PTCH1: variants seen among roughly 807,000 people sequenced by gnomAD.
PTCH1 encodes protein patched homolog 1.
PTCH1 carries 14 observed loss-of-function variants against 144.6 expected under a neutral mutation model. That is an observed-to-expected ratio of 0.10 (90% CI 0.06 to 0.15). The LOEUF (loss-of-function observed/expected upper bound fraction) is 0.15, where lower values mean the gene tolerates loss of function less well. Among genes scored for constraint, PTCH1 ranks in the 10% least tolerant of loss-of-function variants. The probability of loss-of-function intolerance (pLI) is 1.00; values close to 1 mark genes in which losing one functional copy is unlikely to be tolerated. For synonymous variants in PTCH1, 833 were observed against 793.6 expected (o/e 1.05, Z -0.83); for missense variants, 1,623 against 1,948.3 (o/e 0.83, Z 3.14).
In PTCH1 at chr9:95,478,169, G is replaced by C. The variant is rs752518133; in HGVS notation, c.1233C>G (p.Val411=). The change falls in exon 9 of 24, where the codon GTC becomes GTG. Residue 411 remains valine (V), a synonymous_variant. Coordinates refer to ENST00000331920, the MANE Select transcript of PTCH1 (RefSeq NM_000264.5). ...GCACCTTTTGAGTGGAGTTCTGTGC[G>C]ACACTCTGATGAACCACCTGTGGTC... ...RTYVEVVHQS[V]AQNSTQKVLS... 1 of 1,614,134 alleles carries C rather than the reference G, an allele frequency of 6.2e-7. No homozygotes were observed. Among genetic ancestry groups the C allele is most frequent in the Non-Finnish European group, 8.5e-7 (1 of 1,180,036 alleles).
chr9:95,512,503 C>G (rs1844205511), upstream of PTCH1, among the ~76,000 whole-genome samples: 1 of 152,122 alleles, frequency 6.6e-6, no homozygotes, highest in South Asian at 2.1e-4. Context: ...AGTGTAAAAG[C>G]CTGCTCGACT....
chr9:95,462,091 G>A (rs2136691680), intron 15 of PTCH1, 93 bp from the exon 16 acceptor site: 2 of 1,446,246 alleles, frequency 1.4e-6, no homozygotes, highest in Non-Finnish European at 1.9e-6. Flanking sequence ...AGCAGGGCAG[G>A]GGGCTCTTAG....
At chr9:95,448,837 C>T (rs1481409105) in intron 22 of PTCH1, among the ~76,000 whole-genome samples, 1 of 152,156 alleles carries the variant, frequency 6.6e-6, no homozygotes, top group Non-Finnish European at 1.5e-5. Context: ...ACATTACTGG[C>T]CCCTGCCCTT....
At chr9:95,485,949 C>T (rs992170414) in intron 2 of PTCH1, 75 bp from the exon 3 acceptor site, 1 of 1,512,678 alleles carries the variant, frequency 6.6e-7, no homozygotes, top group Non-Finnish European at 9.2e-7. Flanking sequence ...ATCTGACTAC[C>T]TGCCATAGGA....
chr9:95,455,284 C>T (rs1048504528), intron 19 of PTCH1, among the ~76,000 whole-genome samples: 1 of 152,226 alleles, frequency 6.6e-6, no homozygotes, highest in East Asian at 1.9e-4. Flanking sequence ...GCAGAAGGCA[C>T]AAGGCTGCAG....
intron 2 of PTCH1, among the ~76,000 whole-genome samples, chr9:95,493,072 A>G (rs1394566463): frequency 6.6e-6 from 1 of 152,186 alleles, no homozygotes; most frequent in African/African-American, 2.4e-5. Flanking sequence ...CTCATCCCCA[A>G]ATCAAGCCAG....
chr9:95,511,643 GT>G (rs1844166791), upstream of PTCH1, among the ~76,000 whole-genome samples: 1 of 152,236 alleles, frequency 6.6e-6, no homozygotes, highest in Non-Finnish European at 1.5e-5. Context: ...ATGACACTGA[GT>G]TGATAAAGAG....
At chr9:95,488,442 A>G (rs1842144399) in intron 2 of PTCH1, among the ~76,000 whole-genome samples, 1 of 152,224 alleles carries the variant, frequency 6.6e-6, no homozygotes, top group Non-Finnish European at 1.5e-5. Context: ...TATTAAATGC[A>G]ATTCACTTTT....
At chr9:95,473,260 TGGA>T (rs1306742943) in intron 12 of PTCH1, among the ~76,000 whole-genome samples, 1 of 152,236 alleles carries the variant, frequency 6.6e-6, no homozygotes, top group Non-Finnish European at 1.5e-5. Flanking sequence ...GCTACAAAAT[TGGA>T]GGAGTTTTAT....
rs1588517196 is a variant in PTCH1 at position 95,449,198 on chromosome 9, A to G, written c.3675T>C (p.Tyr1225=). ...GGCCTGACACTGTCGTCTGGGAACT[A>G]TACTCCGAGTCGGAGGAATCAGACC... ...HSGSDSSDSE[Y]SSQTTVSGLS... The change falls in exon 22 of 24, where the codon TAT becomes TAC. Residue 1225 remains tyrosine (Y), a synonymous_variant. Transcript: ENST00000331920. This position sits in a 1 kb window ranked among gnomAD's most constrained non-coding sequence, Gnocchi z 5.3. The G allele has an allele frequency of 6.2e-7, 1 of 1,609,396 alleles. No homozygotes were observed. Among genetic ancestry groups the G allele is most frequent in the Non-Finnish European group, 8.5e-7 (1 of 1,177,862 alleles).
intron 2 of PTCH1, among the ~76,000 whole-genome samples, chr9:95,496,549 AG>A (rs1299035740): frequency 6.6e-6 from 1 of 151,460 alleles, no homozygotes; most frequent in Non-Finnish European, 1.5e-5. Flanking sequence ...AAAAAAAAAA[AG>A]AAAAAAAAAA....
Position 95,466,996 on chromosome 9 carries a change from G to A in PTCH1, c.2560+120C>T, listed in dbSNP as rs1840058135. On this transcript the variant is annotated intron_variant, in intron 15 of 23. Transcript: ENST00000331920. Reference sequence around the variant, plus strand: ...TAAGAATCTTGAGCAACTCTTAAAAGTCCATGAAACACGTCAGTGTTACAT... The same window carrying A: ...TAAGAATCTTGAGCAACTCTTAAAAATCCATGAAACACGTCAGTGTTACAT... The A allele has an allele frequency of 6.2e-6, 7 of 1,134,526 alleles. No homozygotes were observed. In the East Asian group the frequency reaches 1.8e-4, roughly 29 times the overall value. The allele number at this position is 1,134,526 out of a possible 1,614,324, so 70.3% of individuals were successfully genotyped here.
intron 3 of PTCH1, chr9:95,483,628 G>T: frequency 6.6e-6 from 1 of 152,352 alleles, no homozygotes; most frequent in Non-Finnish European, 1.5e-5. Context: ...TGGCTGGGCA[G>T]ATCTCCTGCT....
At chr9:95,475,546 G>A (rs1330664088) in intron 12 of PTCH1, among the ~76,000 whole-genome samples, 2 of 152,206 alleles carry the variant, frequency 1.3e-5, no homozygotes, top group Non-Finnish European at 2.9e-5. Flanking sequence ...CTGCAGTGCC[G>A]TCTGACATGC....
intron 12 of PTCH1, among the ~76,000 whole-genome samples, chr9:95,472,880 T>A (rs1015073478): frequency 6.6e-6 from 1 of 152,172 alleles, no homozygotes; most frequent in Non-Finnish European, 1.5e-5. Flanking sequence ...AGAAGGGTTG[T>A]CGCAAAGGCA....
rs1838214512 is a variant in PTCH1, at chr9:95,449,146, C to A, written c.3727G>T (p.Ala1243Ser). The A allele has an allele frequency of 6.2e-7, 1 of 1,614,006 alleles. No homozygotes were observed. Among genetic ancestry groups the A allele is most frequent in the Non-Finnish European group, 8.5e-7 (1 of 1,179,956 alleles). Residue 1243 changes from alanine (A) to serine (S), a missense_variant, in exon 22 of 24, where the codon GCC becomes TCC. Around this residue, in one of 7 missense-constraint regions of PTCH1, gnomAD observed 504 missense variants for 679.3 expected, o/e 0.74. Transcript: ENST00000331920. This position sits in a 1 kb window ranked among gnomAD's most constrained non-coding sequence, Gnocchi z 5.3. Reference protein sequence around the residue: ...GLSEELRHYEAQQGAGGPAHQ... With the variant: ...GLSEELRHYESQQGAGGPAHQ... The stretch of plus-strand genomic sequence containing the variant: ...GCAGGGCCTCCCGCGCCCTGCTGGG[C>A]CTCGTAGTGCCGAAGCTCCTCGCTG...
chr9:95,504,977 T>G (rs543626072), intron 2 of PTCH1, among the ~76,000 whole-genome samples: 1 of 152,338 alleles, frequency 6.6e-6, no homozygotes, highest in African/African-American at 2.4e-5. Context: ...TATCTACCAG[T>G]GATACTGAAT....
In PTCH1 at chr9:95,458,942, G is replaced by A. The variant is rs957461856; in HGVS notation, c.2888-649C>T. Reference sequence around the variant, plus strand: ...GGGCTCTGGGCAGCACTGGATCCGGGGAAGCACTACTCGCTGAGTCTCCAG... The same window carrying A: ...GGGCTCTGGGCAGCACTGGATCCGGAGAAGCACTACTCGCTGAGTCTCCAG... On this transcript the variant is annotated intron_variant, in intron 17 of 23. Coordinates refer to ENST00000331920, the MANE Select transcript of PTCH1 (RefSeq NM_000264.5). This position sits in a 1 kb window ranked among gnomAD's most constrained non-coding sequence, Gnocchi z 4.7. Among the ~76,000 whole-genome samples the A allele has an allele frequency of 6.6e-6, 1 of 152,102 alleles. No individual in the cohort carries two copies. The highest frequency in any genetic ancestry group is 2.4e-5 in the African/African-American group (1 of 41,414).
rs749406453 is a variant in PTCH1 at position 95,459,668 on chromosome 9, T to G, written c.2819A>C (p.Asn940Thr). 3 of 1,614,178 alleles carry G rather than the reference T, an allele frequency of 1.9e-6. No homozygotes were observed. Among genetic ancestry groups the G allele is most frequent in the South Asian group, 2.2e-5 (2 of 91,078 alleles). The stretch of plus-strand genomic sequence containing the variant: ...CCATTCTGGTCGGTGTGGCCGGATG[T>G]TGGCCTGGGAGGCAGCATACGCGAC... The part of the protein sequence containing the change: ...DPVAYAASQA[N>T]IRPHRPEWVH... The change falls in exon 17 of 24, where the codon AAC becomes ACC. Residue 940 changes from asparagine (N) to threonine (T), a missense_variant. Asn to Thr is a moderately conservative substitution (Grantham distance 65, BLOSUM62 0). Coordinates refer to ENST00000331920, the MANE Select transcript of PTCH1 (RefSeq NM_000264.5).
Sources: allele counts gnomAD v4.1 joint callset (sites outside exome capture counted in the v4.1 genomes callset), GRCh38; gene constraint gnomAD v4.1.1; regional missense constraint gnomAD v4.1.1; non-coding constraint Gnocchi (gnomAD v3.1); transcripts MANE v1.5; gene names NCBI Gene and HGNC (gene_info 2026-07-23, HGNC 2026-07-21).